The following CDK14 variants were observed in gnomAD, a reference collection of about 807,000 sequenced individuals.
The protein encoded by CDK14 is cyclin-dependent kinase 14.
In CDK14, 34 loss-of-function variants were observed where a neutral mutation model predicts 60.7. The ratio of observed to expected loss-of-function variants is 0.56; its 90% CI spans 0.43 to 0.75. The LOEUF (loss-of-function observed/expected upper bound fraction) is 0.75. Among genes scored for constraint, CDK14 ranks in the 30% least tolerant of loss-of-function variants. The probability of loss-of-function intolerance (pLI) is 0.00; values close to 1 mark genes in which losing one functional copy is unlikely to be tolerated. For missense variants in CDK14, 482 were observed against 564.1 expected (o/e 0.85, Z 1.47); for synonymous variants, 197 against 203.7 (o/e 0.97, Z 0.28).
chr7:90,788,419 G>A (rs889720573), intron 4 of CDK14, among the ~76,000 whole-genome samples: 2 of 152,140 alleles, frequency 1.3e-5, no homozygotes, highest in African/African-American at 4.8e-5. Context: ...CTGCATCTGG[G>A]TACCTAGAGC....
chr7:90,715,939 G>T (rs924726482), intron 2 of CDK14, among the ~76,000 whole-genome samples: 9 of 151,658 alleles, frequency 5.9e-5, no homozygotes, highest in African/African-American at 1.7e-4. Flanking sequence ...TTGTTGAGGG[G>T]TGGGGGGAAT....
chr7:90,863,502 T>C (rs973851131), intron 6 of CDK14, among the ~76,000 whole-genome samples: 1 of 152,216 alleles, frequency 6.6e-6, no homozygotes, highest in African/African-American at 2.4e-5. Context: ...AGATATGTTA[T>C]CTATTTATAA....
chr7:91,165,100 T>TA (rs1446993409), intron 14 of CDK14, among the ~76,000 whole-genome samples: 1 of 152,226 alleles, frequency 6.6e-6, no homozygotes, highest in Non-Finnish European at 1.5e-5. Context: ...GCCTGGTTCA[T>TA]ACAGTCACAA....
At chr7:91,116,990 A>G (rs915095150) in intron 13 of CDK14, among the ~76,000 whole-genome samples, 1 of 150,548 alleles carries the variant, frequency 6.6e-6, no homozygotes, top group Non-Finnish European at 1.5e-5. Flanking sequence ...AATATCATCT[A>G]TACACTGGCA....
intron 12 of CDK14, among the ~76,000 whole-genome samples, chr7:91,090,253 T>C (rs1196510736): frequency 2.0e-5 from 3 of 152,118 alleles, no homozygotes. Flanking sequence ...AATCCTCCCA[T>C]TGTGTGAACT....
chr7:91,072,442 T>C (rs1378425740), intron 11 of CDK14, among the ~76,000 whole-genome samples: 1 of 151,846 alleles, frequency 6.6e-6, no homozygotes, highest in Non-Finnish European at 1.5e-5. Context: ...GACCTGACCA[T>C]TGAAAGAAAA....
intron 11 of CDK14, among the ~76,000 whole-genome samples, chr7:91,052,276 G>C (rs1428072112): frequency 6.6e-6 from 1 of 152,198 alleles, no homozygotes; most frequent in African/African-American, 2.4e-5. Context: ...TAGTGTCAGA[G>C]GTGGAAGTAG....
chr7:90,602,487 C>G (rs945665800), intron 1 of CDK14, among the ~76,000 whole-genome samples: 32 of 152,158 alleles, frequency 2.1e-4, no homozygotes, highest in African/African-American at 7.7e-4. Flanking sequence ...TTAAAGGACA[C>G]GCCTTGGGTT....
chr7:90,992,269 A>G (rs967645545), intron 10 of CDK14, among the ~76,000 whole-genome samples: 5 of 152,230 alleles, frequency 3.3e-5, no homozygotes, highest in African/African-American at 1.2e-4. Context: ...AGAGATTTGA[A>G]TTAACTCACA....
At chr7:90,860,330 ATATATT>A (rs1243327908) in intron 5 of CDK14, among the ~76,000 whole-genome samples, 1 of 151,916 alleles carries the variant, frequency 6.6e-6, no homozygotes, top group Non-Finnish European at 1.5e-5. Context: ...TATTTTGTAA[ATATATT>A]TATATCATTT....
chr7:90,772,511 C>T (rs763286951), intron 4 of CDK14, among the ~76,000 whole-genome samples: 11 of 152,108 alleles, frequency 7.2e-5, no homozygotes, highest in African/African-American at 2.7e-4. Context: ...CAGATTTCCC[C>T]GTTGCTGTTC....
intron 1 of CDK14, 24 bp downstream of exon 1, chr7:90,596,742 C>T (rs756473872): frequency 1.9e-6 from 3 of 1,575,626 alleles, no homozygotes; most frequent in Non-Finnish European, 2.6e-6. Flanking sequence ...TGCCCCCGGC[C>T]CCCCCAGCGC....
At chr7:90,818,266 A>T (rs1483968913) in intron 5 of CDK14, among the ~76,000 whole-genome samples, 2 of 152,210 alleles carry the variant, frequency 1.3e-5, no homozygotes, top group Non-Finnish European at 2.9e-5. Context: ...GATTAACCAG[A>T]TATTAAACAT....
chr7:90,709,803 C>A (rs1801995753), intron 2 of CDK14: 1 of 1,426,514 alleles, frequency 7.0e-7, no homozygotes, highest in African/African-American at 1.5e-5. Context: ...GCATCCCCCT[C>A]TCTTGGTTGT....
intron 2 of CDK14, among the ~76,000 whole-genome samples, chr7:90,608,080 G>A (rs904898339): frequency 6.6e-6 from 1 of 152,168 alleles, no homozygotes; most frequent in Admixed American, 6.5e-5. Context: ...TGTTTCTAGT[G>A]ACATTGTGAT....
chr7:90,695,258 T>C (rs1801630985), intron 2 of CDK14, among the ~76,000 whole-genome samples: 2 of 152,222 alleles, frequency 1.3e-5, no homozygotes, highest in Admixed American at 6.5e-5. Flanking sequence ...TTGCTCAGGC[T>C]GCTCTTTCTG....
chr7:90,682,409 AATC>A (rs759663009), intron 2 of CDK14, among the ~76,000 whole-genome samples: 9 of 152,262 alleles, frequency 5.9e-5, no homozygotes, highest in Non-Finnish European at 1.3e-4. Flanking sequence ...TTTATCAATC[AATC>A]ATCTGTCGGT....
intron 10 of CDK14, among the ~76,000 whole-genome samples, chr7:91,041,503 C>A (rs1318819017): frequency 2.6e-5 from 4 of 152,186 alleles, no homozygotes; most frequent in African/African-American, 9.6e-5. Flanking sequence ...CTAATAACTT[C>A]TTCCCTATAT....
Position 91,015,597 on chromosome 7 carries a change from G to C in CDK14, c.1042-30300G>C, listed in dbSNP as rs532479544. Among the ~76,000 whole-genome samples, 518 of 133,566 alleles carry C rather than the reference G, an allele frequency of 3.9e-3. 2 individuals carry two copies. The highest frequency in any genetic ancestry group is 5.4e-3 in the Non-Finnish European group (351 of 65,146). 87.6% of individuals were successfully genotyped at this position (133,566 alleles called of 152,430 possible). A position where few individuals can be genotyped will look rare whatever the true frequency, so the allele number is the denominator to read the frequency against. ...GGCTGGAGTGCAGTGGCATGATCTC[G>C]GCTCACTGCAAGCTCCGCCTCCCGG... On this transcript the variant is annotated intron_variant, in intron 10 of 14. Transcript: ENST00000380050.
Sources: gnomAD v4.1 joint callset for allele counts (sites outside exome capture counted in the v4.1 genomes callset) on GRCh38, gnomAD v4.1.1 for gene constraint, MANE v1.5 for transcripts, NCBI Gene and HGNC (gene_info 2026-07-23, HGNC 2026-07-21) for gene names.